Variants in JAK1 observed in about 807,000 individuals in gnomAD.
JAK1 encodes Janus kinase 1.
In JAK1, 16 loss-of-function variants were observed where a neutral mutation model predicts 136.6. The observed-to-expected ratio is 0.12, with a 90% CI of 0.08 to 0.18. The LOEUF (loss-of-function observed/expected upper bound fraction) is 0.18. JAK1 is among the 10% of genes least tolerant of loss of function. JAK1 has a pLI of 1.00. For synonymous variants in JAK1, 492 were observed against 519.5 expected, an observed-to-expected ratio of 0.95 and a Z score of 0.72; for missense variants, 859 against 1,450.1, an observed-to-expected ratio of 0.59 and a Z score of 6.62.
At chr1:64,897,838 G>A (rs1166767068) in intron 1 of JAK1, among the ~76,000 whole-genome samples, 1 of 151,876 alleles carries the variant, frequency 6.6e-6, no homozygotes, top group African/African-American at 2.4e-5. Context: ...GGAAATGATG[G>A]GAAAGGCATG....
At chr1:65,055,718 G>A (rs1369339750) in intron 1 of JAK1, among the ~76,000 whole-genome samples, 1 of 152,180 alleles carries the variant, frequency 6.6e-6, no homozygotes, top group African/African-American at 2.4e-5. Context: ...TCTATGAAAT[G>A]CCTTGAAGAT....
chr1:65,018,909 GC>G (rs1646914056), intron 2 of JAK1, among the ~76,000 whole-genome samples: 1 of 152,186 alleles, frequency 6.6e-6, no homozygotes, highest in African/African-American at 2.4e-5. Flanking sequence ...TACTCGGGAG[GC>G]TGAGGCAGGA....
At chr1:65,067,104 C>A (rs1648086236) in intron 1 of JAK1, among the ~76,000 whole-genome samples, 1 of 151,984 alleles carries the variant, frequency 6.6e-6, no homozygotes, top group African/African-American at 2.4e-5. Flanking sequence ...CCCAGTCCGG[C>A]AACACCCTCG....
At chr1:64,838,160 A>G in intron 21 of JAK1, 56 bp from the exon 22 acceptor site, 1 of 1,477,606 alleles carries the variant, frequency 6.8e-7, no homozygotes, top group East Asian at 2.3e-5. Flanking sequence ...AGATTGTATT[A>G]TCTATCACTT....
intron 1 of JAK1, among the ~76,000 whole-genome samples, chr1:65,065,790 A>C (rs1207469465): frequency 1.3e-5 from 2 of 151,006 alleles, no homozygotes; most frequent in Non-Finnish European, 2.9e-5. Context: ...CTTAAGGGGA[A>C]AATAAAGGGG....
chr1:65,063,392 CTAATA>C (rs1167080329), intron 1 of JAK1, among the ~76,000 whole-genome samples: 4 of 152,196 alleles, frequency 2.6e-5, no homozygotes, highest in African/African-American at 7.2e-5. Context: ...ACTAATCTCC[CTAATA>C]TAACAGTAAT....
rs1646583639 is a variant in JAK1, at chr1:64,984,921, A to G, written c.-78+59559T>C. ...AGCTGGGCCAGGGCCCTGGCTGAAG[A>G]GTTCAGCCACAATAAACCAGGGAAT... On this transcript the variant is annotated intron_variant, in intron 2 of 25. Coordinates refer to the JAK1 transcript ENST00000671954. This position sits in a 1 kb window ranked among gnomAD's most constrained non-coding sequence, Gnocchi z 4.1. The G allele has an allele frequency of 1.7e-6, 2 of 1,158,320 alleles. No individual in the cohort carries two copies. The highest frequency in any genetic ancestry group is 2.6e-6 in the Non-Finnish European group (2 of 768,900). The allele number at this position is 1,158,320 out of a possible 1,614,324, so 71.8% of individuals were successfully genotyped here.
At chr1:64,988,170 A>C (rs1285375035) in intron 2 of JAK1, among the ~76,000 whole-genome samples, 1 of 152,208 alleles carries the variant, frequency 6.6e-6, no homozygotes, top group Non-Finnish European at 1.5e-5. Context: ...GAAACTGGCA[A>C]ACACTAAAAA....
intron 1 of JAK1, among the ~76,000 whole-genome samples, chr1:65,053,562 G>T (rs1258502383): frequency 6.6e-6 from 1 of 152,144 alleles, no homozygotes; most frequent in Non-Finnish European, 1.5e-5. Context: ...TTAAGAACAG[G>T]ATAGACAAGC....
chr1:64,967,034 C>T (rs1646398967), upstream of JAK1, among the ~76,000 whole-genome samples: 1 of 151,338 alleles, frequency 6.6e-6, no homozygotes, highest in South Asian at 2.1e-4. Context: ...AGATCCAACC[C>T]ATTCCGTATT....
At chr1:64,983,680 G>T (rs1332526227) in intron 2 of JAK1, among the ~76,000 whole-genome samples, 2 of 152,126 alleles carry the variant, frequency 1.3e-5, no homozygotes, top group East Asian at 3.9e-4. Context: ...CAGTGAGAAG[G>T]AACAGGCTTT....
intron 5 of JAK1, 69 bp downstream of exon 5, chr1:64,873,301 G>C: frequency 1.3e-6 from 2 of 1,576,106 alleles, no homozygotes; most frequent in Non-Finnish European, 1.7e-6. Context: ...GCTGCAGCAG[G>C]GGGTCTGAGC....
intron 1 of JAK1, chr1:64,941,944 G>C (rs1309132395): frequency 6.6e-6 from 1 of 152,188 alleles, no homozygotes; most frequent in East Asian, 1.9e-4. Context: ...CTGGAGCCCA[G>C]TCGGCCTGGA....
chr1:65,057,228 T>C (rs1329584853), intron 1 of JAK1, among the ~76,000 whole-genome samples: 1 of 152,198 alleles, frequency 6.6e-6, no homozygotes, highest in Non-Finnish European at 1.5e-5. Context: ...AATCAAGTCA[T>C]GCACTTTGTT....
intron 1 of JAK1, among the ~76,000 whole-genome samples, chr1:64,905,841 G>A (rs1037666455): frequency 5.9e-5 from 9 of 152,182 alleles, no homozygotes; most frequent in Non-Finnish European, 1.0e-4. Context: ...AAAGAGGTCA[G>A]GTTCCAGCAT....
chr1:64,957,582 A>G (rs1374033309), intron 1 of JAK1, among the ~76,000 whole-genome samples: 1 of 152,174 alleles, frequency 6.6e-6, no homozygotes, highest in African/African-American at 2.4e-5. Flanking sequence ...AGGCTGAGGC[A>G]GGCGGATCAC....
intron 6 of JAK1, among the ~76,000 whole-genome samples, chr1:64,869,098 A>G (rs1656903460): frequency 6.6e-6 from 1 of 152,222 alleles, no homozygotes; most frequent in South Asian, 2.1e-4. Flanking sequence ...ATTTCACCCA[A>G]GCACAAATTT....
intron 19 of JAK1, 95 bp downstream of exon 19, chr1:64,841,150 G>T: frequency 1.1e-6 from 1 of 921,544 alleles, no homozygotes; most frequent in Non-Finnish European, 1.7e-6. Flanking sequence ...GCCCCAGAAT[G>T]AAAAAGAATG....
In JAK1 at chr1:64,860,097, G is replaced by C. The variant is rs942209318; in HGVS notation, c.1334+8C>G. The stretch of plus-strand genomic sequence containing the variant: ...ACCAAAGGCAACTGATAAGGTTCTA[G>C]GACCAACCAGATTGGACCATGACAG... On this transcript the variant is annotated splice_region_variant and intron_variant, in intron 9 of 24. Coordinates refer to ENST00000342505, the MANE Select transcript of JAK1 (RefSeq NM_002227.4). The C allele has an allele frequency of 6.4e-7, 1 of 1,562,752 alleles. No individual in the cohort carries two copies. Among genetic ancestry groups the C allele is most frequent in the African/African-American group, 1.3e-5 (1 of 74,160 alleles).
Sources: gnomAD v4.1 joint callset for allele counts (sites outside exome capture counted in the v4.1 genomes callset) on GRCh38, gnomAD v4.1.1 for gene constraint, Gnocchi (gnomAD v3.1) non-coding constraint, MANE v1.5 for transcripts, NCBI Gene and HGNC (gene_info 2026-07-23, HGNC 2026-07-21) for gene names.